TCF4: variants seen among roughly 807,000 people sequenced by gnomAD.
The protein encoded by TCF4 is SL3-3 enhancer factor 2.
A neutral mutation model predicts 82.1 loss-of-function variants in TCF4; 3 were observed. That is an observed-to-expected ratio of 0.04 (90% confidence interval 0.02 to 0.09). The LOEUF is 0.09. TCF4 is among the 10% of genes least tolerant of loss of function. The probability of loss-of-function intolerance (pLI) is 1.00; values close to 1 mark genes in which losing one functional copy is unlikely to be tolerated. For missense variants in TCF4, 518 were observed against 852.7 expected (o/e 0.61, Z 4.89); for synonymous variants, 276 against 309.6 (o/e 0.89, Z 1.14).
At chr18:55,442,619 TA>T (rs896527129) in intron 5 of TCF4, among the ~76,000 whole-genome samples, 2 of 152,144 alleles carry the variant, frequency 1.3e-5, no homozygotes, top group African/African-American at 4.8e-5. Context: ...GGATGATTTT[TA>T]AAAGCTACAG....
intron 3 of TCF4, among the ~76,000 whole-genome samples, chr18:55,529,835 C>T (rs1021357974): frequency 6.6e-6 from 1 of 152,146 alleles, no homozygotes; most frequent in Admixed American, 6.5e-5. Context: ...TTTTAAATAT[C>T]TAGAACATTA....
chr18:55,331,718 C>T (rs1251871449), intron 8 of TCF4, among the ~76,000 whole-genome samples: 1 of 152,194 alleles, frequency 6.6e-6, no homozygotes, highest in Non-Finnish European at 1.5e-5. Context: ...AACATGCACA[C>T]AATATGAGGA....
At chr18:55,582,721 A>G (rs948660802) in intron 3 of TCF4, among the ~76,000 whole-genome samples, 1 of 152,158 alleles carries the variant, frequency 6.6e-6, no homozygotes, top group Non-Finnish European at 1.5e-5. Context: ...TTAAGCATGA[A>G]TTATTACCAT....
chr18:55,582,068 A>C (rs2097580099), intron 3 of TCF4, among the ~76,000 whole-genome samples: 1 of 152,150 alleles, frequency 6.6e-6, no homozygotes, highest in Non-Finnish European at 1.5e-5. Flanking sequence ...ACTTTTTAAA[A>C]AGATGTCAAA....
chr18:55,480,275 C>CAAA (rs1327189497), intron 3 of TCF4, among the ~76,000 whole-genome samples: 1 of 52,734 alleles, frequency 1.9e-5, no homozygotes, highest in Non-Finnish European at 3.4e-5. Flanking sequence ...AGTAGGAACT[C>CAAA]CAAAAAAAAA....
chr18:55,555,016 T>C (rs1192151815), intron 3 of TCF4, among the ~76,000 whole-genome samples: 1 of 152,202 alleles, frequency 6.6e-6, no homozygotes, highest in Non-Finnish European at 1.5e-5. Context: ...CAGGTAATTT[T>C]TTTTCCTGAC....
intron 3 of TCF4, among the ~76,000 whole-genome samples, chr18:55,571,059 A>G (rs1377878751): frequency 5.3e-5 from 8 of 152,148 alleles, no homozygotes; most frequent in Non-Finnish European, 1.2e-4. Context: ...AACTCTACAA[A>G]CCAACAATTC....
At chr18:55,310,954 C>T (rs1017887050) in intron 8 of TCF4, among the ~76,000 whole-genome samples, 1 of 152,072 alleles carries the variant, frequency 6.6e-6, no homozygotes, top group South Asian at 2.1e-4. Context: ...TTAGGGTATG[C>T]AGACATGTTG....
chr18:55,397,431 TCAAA>T (rs1361396556), intron 6 of TCF4, among the ~76,000 whole-genome samples: 2 of 152,118 alleles, frequency 1.3e-5, no homozygotes, highest in Non-Finnish European at 2.9e-5. Context: ...TCACTATCAT[TCAAA>T]CAAACCAACA....
chr18:55,499,023 G>C (rs1322270210), intron 3 of TCF4, among the ~76,000 whole-genome samples: 3 of 152,090 alleles, frequency 2.0e-5, no homozygotes, highest in Non-Finnish European at 4.4e-5. Flanking sequence ...TTGTTTTTTA[G>C]ATCTTCAACG....
At chr18:55,548,722 G>A (rs538446549) in intron 3 of TCF4, among the ~76,000 whole-genome samples, 1 of 152,182 alleles carries the variant, frequency 6.6e-6, no homozygotes, top group Non-Finnish European at 1.5e-5. Context: ...TGCACAGCAT[G>A]TTATTGTACT....
rs899213710 is a variant in TCF4, at chr18:55,227,579, G to A, written c.*456C>T. On this transcript the variant is annotated 3_prime_UTR_variant, in exon 20 of 20. Transcript: ENST00000354452. ...AGCTGACTTGAATACCAACAAAAAC[G>A]TTCATGTAGTTTTCTTCAGAAGTAC... 6.6e-6 allele frequency: 1 copy of A among 151,984 alleles called. No individual in the cohort carries two copies. Among genetic ancestry groups the A allele is most frequent in the African/African-American group, 2.4e-5 (1 of 41,268 alleles). 9.4% of individuals were successfully genotyped at this position (151,984 alleles called of 1,614,324 possible).
At chr18:55,522,170 C>G (rs1218598068) in intron 3 of TCF4, among the ~76,000 whole-genome samples, 1 of 152,170 alleles carries the variant, frequency 6.6e-6, no homozygotes, top group Admixed American at 6.5e-5. Flanking sequence ...CCAAGTTCTT[C>G]CTCCTCTAGC....
chr18:55,239,860 C>A (rs1267425249), intron 15 of TCF4, among the ~76,000 whole-genome samples: 1 of 152,202 alleles, frequency 6.6e-6, no homozygotes, highest in Non-Finnish European at 1.5e-5. Flanking sequence ...TATTTTTGCT[C>A]TCTTTGTTTC....
intron 8 of TCF4, among the ~76,000 whole-genome samples, chr18:55,289,371 AT>A (rs1442723040): frequency 3.9e-5 from 6 of 152,212 alleles, no homozygotes; most frequent in African/African-American, 1.4e-4. Flanking sequence ...AAATGCATTG[AT>A]GTGCATGTGA....
At chr18:55,308,215 G>T (rs2071018815) in intron 8 of TCF4, among the ~76,000 whole-genome samples, 1 of 152,174 alleles carries the variant, frequency 6.6e-6, no homozygotes, top group Non-Finnish European at 1.5e-5. Flanking sequence ...AAGATGGACA[G>T]ACGTTTTCAT....
At chr18:55,510,092 C>G (rs1466332976) in intron 3 of TCF4, among the ~76,000 whole-genome samples, 1 of 150,088 alleles carries the variant, frequency 6.7e-6, no homozygotes, top group African/African-American at 2.5e-5. Context: ...TCTACTAAAC[C>G]AAGGCCAAGT....
At chr18:55,538,012 T>C (rs1166392256) in intron 3 of TCF4, among the ~76,000 whole-genome samples, 2 of 139,462 alleles carry the variant, frequency 1.4e-5, no homozygotes, top group Admixed American at 7.5e-5. Context: ...TGGATTTTGC[T>C]AGTCTGCGCG....
At chr18:55,418,769 A>G (rs1189180507) in intron 5 of TCF4, among the ~76,000 whole-genome samples, 2 of 152,204 alleles carry the variant, frequency 1.3e-5, no homozygotes, top group African/African-American at 4.8e-5. Context: ...AAGTAGGAGC[A>G]TTAAAAAGAT....
Sources: gnomAD v4.1 joint callset for allele counts (sites outside exome capture counted in the v4.1 genomes callset) on GRCh38, gnomAD v4.1.1 for gene constraint, MANE v1.5 for transcripts, NCBI Gene and HGNC (gene_info 2026-07-23, HGNC 2026-07-21) for gene names.